The following CTNNA3 variants were observed in gnomAD, a reference collection of about 807,000 sequenced individuals.
CTNNA3 encodes catenin alpha 3.
In CTNNA3, 76 loss-of-function variants were observed where a neutral mutation model predicts 95.7. The ratio of observed to expected loss-of-function variants is 0.79; its 90% CI spans 0.66 to 0.96. The LOEUF (loss-of-function observed/expected upper bound fraction) is 0.96, where lower values mean the gene tolerates loss of function less well. Among genes scored for constraint, CTNNA3 ranks in the 40% least tolerant of loss-of-function variants. The pLI is 0.00. For missense variants in CTNNA3, 1,191 were observed against 1,089.8 expected (o/e 1.09, Z -1.31); for synonymous variants, 431 against 374.4 (o/e 1.15, Z -1.74).
At chr10:66,461,155 T>C (rs144956834) in intron 11 of CTNNA3, among the ~76,000 whole-genome samples, 50 of 152,180 alleles carry the variant, frequency 3.3e-4, no homozygotes, top group African/African-American at 1.2e-3. Context: ...AAGTACAAAG[T>C]AGACATGCTT....
chr10:67,310,177 A>G (rs1840729041), intron 5 of CTNNA3, among the ~76,000 whole-genome samples: 1 of 152,190 alleles, frequency 6.6e-6, no homozygotes, highest in African/African-American at 2.4e-5. Context: ...AGGAAAGCAT[A>G]TTGCAAAGTT....
intron 9 of CTNNA3, 133 bp from the exon 10 acceptor site, chr10:66,621,917 G>A (rs1844764899): frequency 5.8e-6 from 3 of 515,152 alleles, no homozygotes; most frequent in Non-Finnish European, 1.0e-5. Flanking sequence ...AATCATCACT[G>A]GTATCTATTT....
chr10:67,607,681 G>A (rs1466449594), intron 2 of CTNNA3, among the ~76,000 whole-genome samples: 1 of 152,202 alleles, frequency 6.6e-6, no homozygotes, highest in Non-Finnish European at 1.5e-5. Context: ...TTCCAGTGCT[G>A]TTGGTACACC....
At chr10:66,456,517 C>T (rs1471118089) in intron 11 of CTNNA3, among the ~76,000 whole-genome samples, 3 of 151,898 alleles carry the variant, frequency 2.0e-5, no homozygotes, top group African/African-American at 4.8e-5. Flanking sequence ...CCCGTCTCTA[C>T]TAAGAAAAAT....
Position 67,058,368 on chromosome 10 carries a change from A to G in CTNNA3, c.1047+121949T>C, listed in dbSNP as rs1855564616. Among the ~76,000 whole-genome samples the G allele has an allele frequency of 2.6e-5, 4 of 152,182 alleles. No homozygotes were observed. In the South Asian group the frequency reaches 8.3e-4, roughly 31 times the overall value. On this transcript the variant is annotated intron_variant, in intron 7 of 17. Coordinates refer to ENST00000433211, the MANE Select transcript of CTNNA3 (RefSeq NM_013266.4). ...TTATGTATTACATTGGTTTCAAGAG[A>G]AATTTTATAATTCTTATTCTTTTTT...
In CTNNA3 at chr10:67,569,457, C is replaced by A. The variant is rs576719069; in HGVS notation, c.293-29788G>T. On this transcript the variant is annotated intron_variant, in intron 3 of 17. Transcript: ENST00000433211. ...CAAAGGTGGGAGCAAAGATTTAATG[C>A]ATGTTAACAGGTTGATTTGTAAGTA... Among the ~76,000 whole-genome samples the A allele has an allele frequency of 6.6e-5, 10 of 152,210 alleles. No individual in the cohort carries two copies. The South Asian group carries it at 1.9e-3, about 28-fold the overall frequency.
At chr10:67,468,477 G>A (rs1259882185) in intron 5 of CTNNA3, among the ~76,000 whole-genome samples, 1 of 152,170 alleles carries the variant, frequency 6.6e-6, no homozygotes, top group Non-Finnish European at 1.5e-5. Flanking sequence ...GCCACAGAGT[G>A]TCAGTATAGA....
chr10:66,753,780 G>A (rs1839260497), intron 9 of CTNNA3, among the ~76,000 whole-genome samples: 1 of 150,582 alleles, frequency 6.6e-6, no homozygotes, highest in Non-Finnish European at 1.5e-5. Flanking sequence ...ATTTACAATA[G>A]CATCAAATAG....
At chr10:67,016,670 T>C (rs558701988) in intron 7 of CTNNA3, among the ~76,000 whole-genome samples, 1 of 152,222 alleles carries the variant, frequency 6.6e-6, no homozygotes, top group East Asian at 1.9e-4. Context: ...AAGGCACCTA[T>C]TGATAATGTC....
intron 17 of CTNNA3, among the ~76,000 whole-genome samples, chr10:65,930,926 C>T (rs1401725637): frequency 1.3e-5 from 2 of 152,046 alleles, no homozygotes; most frequent in Non-Finnish European, 2.9e-5. Flanking sequence ...TAAATTAATA[C>T]TTATACACAT....
intron 11 of CTNNA3, among the ~76,000 whole-genome samples, chr10:66,401,818 C>A (rs572579774): frequency 1.1e-4 from 17 of 151,936 alleles, no homozygotes; most frequent in Admixed American, 8.5e-4. Context: ...ACCACCACAC[C>A]CAGCTAATTT....
At chr10:67,734,756 CT>C (rs1319729684) in intron 1 of CTNNA3, among the ~76,000 whole-genome samples, 5 of 152,154 alleles carry the variant, frequency 3.3e-5, no homozygotes, top group Non-Finnish European at 2.9e-5. Flanking sequence ...TATCTAAGGG[CT>C]TGTCCCAGGG....
Position 65,920,450 on chromosome 10 carries a change from T to G in CTNNA3, c.2568A>C (p.Lys856Asn), listed in dbSNP as rs767799982. ...VMWRMKAPAKKPLIKREKPEE... is the reference protein window; with the variant it reads ...VMWRMKAPAKNPLIKREKPEE... ...CTGGCTTCTCTCTTTTAATCAAGGGTTTTTTTGCAGGAGCCTTCATTCTCC... is the reference window on the plus strand; with the variant it reads ...CTGGCTTCTCTCTTTTAATCAAGGGGTTTTTTGCAGGAGCCTTCATTCTCC... The change falls in exon 18 of 18, where the codon AAA (lysine) becomes AAC (asparagine). Residue 856 changes from lysine to asparagine, a missense_variant. By Grantham distance (94) the Lys-to-Asn change is moderately conservative (BLOSUM62 0). Coordinates refer to ENST00000433211, the MANE Select transcript of CTNNA3 (RefSeq NM_013266.4). 1 of 1,613,932 alleles carries G rather than the reference T, an allele frequency of 6.2e-7. No homozygotes were observed. Among genetic ancestry groups the G allele is most frequent in the Non-Finnish European group, 8.5e-7 (1 of 1,179,926 alleles).
Position 66,627,907 on chromosome 10 carries a change from C to G in CTNNA3, c.1282-6123G>C, listed in dbSNP as rs555011350. 2.2e-4 allele frequency among the ~76,000 whole-genome samples: 33 copies of G among 152,060 alleles called. 1 individual carries two copies. The highest frequency in any genetic ancestry group is 9.8e-4 in the Admixed American group (15 of 15,254). On this transcript the variant is annotated intron_variant, in intron 9 of 17. Coordinates refer to ENST00000433211, the MANE Select transcript of CTNNA3 (RefSeq NM_013266.4). ...CTGCTCATTCTGTTTGAAAACCACC[C>G]CTCACATACTCTTTGAAAATCATAC...
intron 13 of CTNNA3, among the ~76,000 whole-genome samples, chr10:66,201,900 C>T (rs1365649923): frequency 6.9e-5 from 10 of 145,940 alleles, no homozygotes; most frequent in African/African-American, 1.8e-4. Flanking sequence ...GTGATTCTCT[C>T]GCCTCAGCCT....
chr10:67,137,940 T>G (rs1860374721), intron 7 of CTNNA3, among the ~76,000 whole-genome samples: 1 of 151,400 alleles, frequency 6.6e-6, no homozygotes, highest in Non-Finnish European at 1.5e-5. Flanking sequence ...TATAATAAAA[T>G]ATAATCCCAG....
chr10:66,576,051 G>A (rs952998638), intron 10 of CTNNA3, among the ~76,000 whole-genome samples: 2 of 152,080 alleles, frequency 1.3e-5, no homozygotes, highest in African/African-American at 4.8e-5. Flanking sequence ...AAAAGACAGA[G>A]AGGTATGGGA....
chr10:67,294,972 A>G (rs754537166), intron 5 of CTNNA3, among the ~76,000 whole-genome samples: 13 of 152,226 alleles, frequency 8.5e-5, no homozygotes, highest in Non-Finnish European at 1.3e-4. Context: ...AGTATTGGTA[A>G]AAAGTGACAC....
chr10:67,486,257 C>A (rs931570609), intron 5 of CTNNA3, among the ~76,000 whole-genome samples: 5 of 152,162 alleles, frequency 3.3e-5, no homozygotes, highest in African/African-American at 1.2e-4. Context: ...GAATTAAGGT[C>A]TTTTTGTATA....
Sources: allele counts gnomAD v4.1 joint callset (sites outside exome capture counted in the v4.1 genomes callset), GRCh38; gene constraint gnomAD v4.1.1; transcripts MANE v1.5; gene names NCBI Gene and HGNC (gene_info 2026-07-23, HGNC 2026-07-21).